Variants in TMPRSS12 observed in about 807,000 individuals in gnomAD.
TMPRSS12 encodes transmembrane protease serine 12.
Under a neutral mutation model 26.0 loss-of-function variants are expected in TMPRSS12, and 25 were observed. That is an observed-to-expected ratio of 0.96 (90% CI 0.70 to 1.34). The LOEUF (loss-of-function observed/expected upper bound fraction) is 1.34, where lower values mean the gene tolerates loss of function less well. TMPRSS12 is among the 40% of genes most tolerant of loss of function. TMPRSS12 has a pLI of 0.00. For missense variants in TMPRSS12, 441 were observed against 440.1 expected, an observed-to-expected ratio of 1.00 and a Z score of -0.02; for synonymous variants, 150 against 161.7, an observed-to-expected ratio of 0.93 and a Z score of 0.55.
At chr12:50,858,751 G>T (rs1592219110) in intron 2 of TMPRSS12, 34 bp from the exon 3 acceptor site, 1 of 1,434,254 alleles carries the variant, frequency 7.0e-7, no homozygotes, top group African/African-American at 1.4e-5. Context: ...GTTAATTAAA[G>T]ATATTTATAA....
chr12:50,887,278 C>T lies in TMPRSS12; in HGVS notation c.812C>T (p.Pro271Leu), dbSNP rs1422006956. The T allele has an allele frequency of 6.2e-7, 1 of 1,613,554 alleles. No individual in the cohort carries two copies. The highest frequency in any genetic ancestry group is 8.5e-7 in the Non-Finnish European group (1 of 1,179,758). The part of the protein sequence containing the change: ...FDTCRGDSGG[P>L]LMCYLPEYKR... Reference sequence around the variant, plus strand: ...TTTTGACAGGGTGACAGTGGGGGACCATTAATGTGCTACTTACCAGAATAT... The same window carrying T: ...TTTTGACAGGGTGACAGTGGGGGACTATTAATGTGCTACTTACCAGAATAT... Residue 271 changes from proline (P) to leucine (L), a missense_variant, in exon 5 of 5, where the codon CCA becomes CTA. By Grantham distance (98) the Pro-to-Leu change is moderately conservative (BLOSUM62 -3). Transcript: ENST00000398458.
At chr12:50,860,135 T>C (rs796300860) in intron 3 of TMPRSS12, among the ~76,000 whole-genome samples, 27 of 152,370 alleles carry the variant, frequency 1.8e-4, no homozygotes, top group African/African-American at 6.3e-4. Flanking sequence ...AACTCACAGA[T>C]GGTGAAGCCA....
chr12:50,872,837 G>GACGTCTATATATACATATATAT (rs1938074273), intron 3 of TMPRSS12, among the ~76,000 whole-genome samples: 1 of 18,432 alleles, frequency 5.4e-5, no homozygotes, highest in Non-Finnish European at 1.2e-4. Flanking sequence ...ACATATATAT[G>GACGTCTATATATACATATATAT]ACGTCTATAT....
intron 2 of TMPRSS12, among the ~76,000 whole-genome samples, chr12:50,854,253 A>G (rs1410363072): frequency 6.6e-6 from 1 of 152,202 alleles, no homozygotes; most frequent in African/African-American, 2.4e-5. Flanking sequence ...TTTTGATAAA[A>G]TTCAACATCT....
At chr12:50,871,334 C>A (rs1045562329) in intron 3 of TMPRSS12, among the ~76,000 whole-genome samples, 1 of 152,034 alleles carries the variant, frequency 6.6e-6, no homozygotes, top group African/African-American at 2.4e-5. Flanking sequence ...CAAACAAAAA[C>A]GTAAAATGGG....
At chr12:50,854,802 A>G (rs1937860567) in intron 2 of TMPRSS12, among the ~76,000 whole-genome samples, 1 of 152,240 alleles carries the variant, frequency 6.6e-6, no homozygotes, top group East Asian at 1.9e-4. Context: ...CACTTCTGAA[A>G]GAAATCATAG....
chr12:50,873,571 A>G (rs1938086949), intron 3 of TMPRSS12, among the ~76,000 whole-genome samples: 1 of 152,246 alleles, frequency 6.6e-6, no homozygotes, highest in African/African-American at 2.4e-5. Flanking sequence ...GAACAAAAAA[A>G]GACATGGATA....
chr12:50,872,572 CATATATAT>C (rs1592222833), intron 3 of TMPRSS12, among the ~76,000 whole-genome samples: 56 of 132,822 alleles, frequency 4.2e-4, no homozygotes, highest in East Asian at 4.2e-3. Context: ...ATATATATGC[CATATATAT>C]GTACATATAT....
intron 3 of TMPRSS12, among the ~76,000 whole-genome samples, chr12:50,860,104 T>C (rs1937920750): frequency 6.6e-6 from 1 of 152,230 alleles, no homozygotes; most frequent in Admixed American, 6.5e-5. Context: ...GAATGATAGT[T>C]CCAAGTGTTT....
intron 3 of TMPRSS12, among the ~76,000 whole-genome samples, chr12:50,881,785 A>G (rs890941320): frequency 6.6e-6 from 1 of 151,084 alleles, no homozygotes; most frequent in African/African-American, 2.4e-5. Context: ...CCTGGCCAAC[A>G]TGGTAAAAAA....
intron 2 of TMPRSS12, among the ~76,000 whole-genome samples, chr12:50,846,296 CATTTT>C: frequency 6.6e-6 from 1 of 152,152 alleles, no homozygotes; most frequent in East Asian, 1.9e-4. Flanking sequence ...GTCTTTGATT[CATTTT>C]GAGTCCATTT....
chr12:50,887,556 C>A lies in TMPRSS12; in HGVS notation c.*43C>A. The A allele has an allele frequency of 6.3e-7, 1 of 1,585,512 alleles. No individual in the cohort carries two copies. Among genetic ancestry groups the A allele is most frequent in the Non-Finnish European group, 8.6e-7 (1 of 1,168,408 alleles). ...TCATATCTTTATTTTGCATTGTGTC[C>A]CTTTCTATGTTCTATATAATGAACA... On this transcript the variant is annotated 3_prime_UTR_variant, in exon 5 of 5. Coordinates refer to ENST00000398458, the MANE Select transcript of TMPRSS12 (RefSeq NM_182559.3).
At chr12:50,852,500 G>A (rs112455992) in intron 2 of TMPRSS12, among the ~76,000 whole-genome samples, 10,661 of 152,128 alleles carry the variant, frequency 0.07, 410 homozygotes, top group Middle Eastern at 0.12. Context: ...AACCTCTGCC[G>A]CCCAGGTTCA....
chr12:50,846,109 T>C (rs988050363), intron 2 of TMPRSS12, among the ~76,000 whole-genome samples: 7 of 152,244 alleles, frequency 4.6e-5, no homozygotes, highest in South Asian at 2.1e-4. Context: ...CTCGATATTG[T>C]CCTTTGATAC....
In TMPRSS12 at chr12:50,843,103, G is replaced by A. The variant is rs375265755; in HGVS notation, c.139G>A (p.Val47Ile). 50 of 1,579,640 alleles carry A rather than the reference G, an allele frequency of 3.2e-5. No individual in the cohort carries two copies. Among genetic ancestry groups the A allele is most frequent in the South Asian group, 2.4e-4 (21 of 86,432 alleles). Residue 47 changes from valine (V) to isoleucine (I), a missense_variant, in exon 1 of 5, where the codon GTC becomes ATC. Coordinates refer to ENST00000398458, the MANE Select transcript of TMPRSS12 (RefSeq NM_182559.3). ...PAASSQQAEA[V>I]RKRLRRRREG... ...GGCTAGTTCCCAGCAGGCTGAGGCC[G>A]TCCGCAAGAGGCTCCGGCGGCGGAG...
intron 3 of TMPRSS12, among the ~76,000 whole-genome samples, chr12:50,880,961 A>C (rs1481349797): frequency 1.6e-5 from 2 of 125,308 alleles, no homozygotes; most frequent in Non-Finnish European, 3.3e-5. Context: ...AGGAATCAGT[A>C]ATTTCTTTTT....
Position 50,887,837 on chromosome 12 carries a change from A to T in TMPRSS12, c.*324A>T, listed in dbSNP as rs548586093. ...GTTTATAATTAAAATGAAAGCTGTC[A>T]TTTGGTTAAATTAATAAAAATTCTT... On this transcript the variant is annotated 3_prime_UTR_variant, in exon 5 of 5. Coordinates refer to ENST00000398458, the MANE Select transcript of TMPRSS12 (RefSeq NM_182559.3). The T allele has an allele frequency of 1.3e-4, 23 of 172,968 alleles. No homozygotes were observed. Among genetic ancestry groups the T allele is most frequent in the African/African-American group, 5.2e-4 (22 of 42,498 alleles). 10.7% of individuals were successfully genotyped at this position (172,968 alleles called of 1,614,324 possible).
intron 3 of TMPRSS12, among the ~76,000 whole-genome samples, chr12:50,883,748 A>C (rs552428710): frequency 2.0e-5 from 3 of 152,184 alleles, no homozygotes; most frequent in Non-Finnish European, 4.4e-5. Flanking sequence ...TCATGCTTGC[A>C]ATCCAAGCAC....
rs1555206510 is a variant in TMPRSS12 at position 50,872,909 on chromosome 12, C to CGCA, written c.653-12337_653-12336insGCA. Reference sequence around the variant, plus strand: ...GACGTATATATGTACATATATATGACTATATATGTACATATATGATGTATA... The same window carrying CGCA: ...GACGTATATATGTACATATATATGACGCATATATATGTACATATATGATGTATA... On this transcript the variant is annotated intron_variant, in intron 3 of 4. Coordinates refer to ENST00000398458, the MANE Select transcript of TMPRSS12 (RefSeq NM_182559.3). 3.4e-5 allele frequency among the ~76,000 whole-genome samples: 2 copies of CGCA among 58,498 alleles called. 1 individual carries two copies. Among genetic ancestry groups the CGCA allele is most frequent in the Non-Finnish European group, 6.4e-5 (2 of 31,030 alleles). The allele number at this position is 58,498 out of a possible 152,430, so 38.4% of individuals were successfully genotyped here.
Sources: allele counts gnomAD v4.1 joint callset (sites outside exome capture counted in the v4.1 genomes callset), GRCh38; gene constraint gnomAD v4.1.1; transcripts MANE v1.5; gene names NCBI Gene and HGNC (gene_info 2026-07-23, HGNC 2026-07-21).